Variants in LCLAT1 observed in about 807,000 individuals in gnomAD.
The protein encoded by LCLAT1 is 1-AGP acyltransferase 8.
A neutral mutation model predicts 30.7 loss-of-function variants in LCLAT1; 11 were observed. The observed-to-expected ratio is 0.36, with a 90% CI of 0.23 to 0.59. LCLAT1 has a LOEUF of 0.59. LCLAT1 is among the 20% of genes least tolerant of loss of function. The pLI, the probability that LCLAT1 is intolerant of heterozygous loss-of-function variation, is 0.77. For missense variants in LCLAT1, 402 were observed against 458.6 expected (o/e 0.88, Z 1.13); for synonymous variants, 155 against 151.3 (o/e 1.02, Z -0.18).
intron 3 of LCLAT1, 71 bp downstream of exon 3, chr2:30,533,385 T>G: frequency 7.6e-7 from 1 of 1,323,550 alleles, no homozygotes; most frequent in African/African-American, 1.4e-5. Context: ...TAAAACTGAC[T>G]TAAGCATTAA....
intron 5 of LCLAT1, among the ~76,000 whole-genome samples, chr2:30,625,330 C>T: frequency 6.6e-6 from 1 of 152,106 alleles, no homozygotes; most frequent in East Asian, 1.9e-4. Flanking sequence ...AATTGGTAGA[C>T]CATTAGTGAG....
intron 2 of LCLAT1, among the ~76,000 whole-genome samples, chr2:30,528,477 G>A (rs1371127220): frequency 6.6e-6 from 1 of 152,172 alleles, no homozygotes; most frequent in Non-Finnish European, 1.5e-5. Context: ...GATGAAATAG[G>A]AAATATGAGT....
At chr2:30,478,974 T>C (rs1683188907) in intron 1 of LCLAT1, among the ~76,000 whole-genome samples, 1 of 152,222 alleles carries the variant, frequency 6.6e-6, no homozygotes, top group Non-Finnish European at 1.5e-5. Context: ...TTTTCCCTTT[T>C]TAGGGCCTTT....
At chr2:30,464,024 G>T (rs1682300176) in intron 1 of LCLAT1, among the ~76,000 whole-genome samples, 2 of 152,250 alleles carry the variant, frequency 1.3e-5, no homozygotes, top group South Asian at 4.1e-4. Flanking sequence ...TTTATAATTT[G>T]CCAGCCATGC....
intron 5 of LCLAT1, among the ~76,000 whole-genome samples, chr2:30,579,265 A>G (rs1379808354): frequency 6.6e-6 from 1 of 152,172 alleles, no homozygotes; most frequent in Admixed American, 6.5e-5. Flanking sequence ...CAAAGGAGAA[A>G]CATGTTACGA....
intron 1 of LCLAT1, among the ~76,000 whole-genome samples, chr2:30,486,961 A>G (rs77802217): frequency 0.011 from 1,604 of 152,326 alleles, 28 homozygotes; most frequent in African/African-American, 0.036. Flanking sequence ...TCCACCTACT[A>G]TAATAACACT....
At chr2:30,591,312 G>T (rs1040997286) in intron 5 of LCLAT1, among the ~76,000 whole-genome samples, 5 of 152,078 alleles carry the variant, frequency 3.3e-5, no homozygotes, top group African/African-American at 1.2e-4. Context: ...AATGACTTCT[G>T]TGTAAAGAGC....
intron 5 of LCLAT1, among the ~76,000 whole-genome samples, chr2:30,615,057 A>G (rs1283746614): frequency 2.0e-5 from 3 of 152,168 alleles, no homozygotes; most frequent in Non-Finnish European, 2.9e-5. Flanking sequence ...GACAGTGAGT[A>G]TAGACAGCTC....
chr2:30,577,356 A>C (rs1479534280), intron 5 of LCLAT1, among the ~76,000 whole-genome samples: 1 of 152,130 alleles, frequency 6.6e-6, no homozygotes, highest in Non-Finnish European at 1.5e-5. Context: ...AAGTGTTCTC[A>C]GTGGCTTTCA....
intron 1 of LCLAT1, among the ~76,000 whole-genome samples, chr2:30,464,729 T>C (rs73922647): frequency 1.2e-4 from 18 of 152,176 alleles, no homozygotes; most frequent in African/African-American, 4.3e-4. Context: ...ATTCCCGAGT[T>C]AATTTCAGTG....
At chr2:30,489,945 C>T (rs1170904440) in intron 1 of LCLAT1, among the ~76,000 whole-genome samples, 1 of 152,220 alleles carries the variant, frequency 6.6e-6, no homozygotes, top group African/African-American at 2.4e-5. Context: ...ATATCAGCTT[C>T]CTTTTAATAA....
chr2:30,474,503 C>A (rs1156797443), intron 1 of LCLAT1, among the ~76,000 whole-genome samples: 1 of 152,170 alleles, frequency 6.6e-6, no homozygotes, highest in African/African-American at 2.4e-5. Context: ...TTGCCTTAGC[C>A]TTCTGAGTAG....
intron 5 of LCLAT1, among the ~76,000 whole-genome samples, chr2:30,585,564 A>G (rs1381121050): frequency 2.0e-5 from 3 of 152,138 alleles, no homozygotes; most frequent in African/African-American, 4.8e-5. Flanking sequence ...TCCACCTGTT[A>G]AACGTTAAAT....
chr2:30,502,220 CTTGTGTTTGTTCTTGT>C (rs1405453895), intron 1 of LCLAT1, among the ~76,000 whole-genome samples: 1 of 151,986 alleles, frequency 6.6e-6, no homozygotes, highest in African/African-American at 2.4e-5. Context: ...TCTTGCTTTG[CTTGTGTTTGTTCTTGT>C]TTCTAATTTG....
intron 5 of LCLAT1, among the ~76,000 whole-genome samples, chr2:30,614,793 A>C (rs1188769892): frequency 6.6e-6 from 1 of 152,100 alleles, no homozygotes; most frequent in Non-Finnish European, 1.5e-5. Flanking sequence ...GTGGATGGAG[A>C]AGAGTAAGAT....
chr2:30,615,655 G>C (rs1420794380), intron 5 of LCLAT1, among the ~76,000 whole-genome samples: 1 of 152,070 alleles, frequency 6.6e-6, no homozygotes, highest in Non-Finnish European at 1.5e-5. Flanking sequence ...TGGGAGAAAA[G>C]AGACACCACA....
At chr2:30,532,462 A>T (rs1686027196) in intron 2 of LCLAT1, among the ~76,000 whole-genome samples, 1 of 151,516 alleles carries the variant, frequency 6.6e-6, no homozygotes, top group Non-Finnish European at 1.5e-5. Context: ...TTTTACTTTC[A>T]AGAACTCATA....
intron 5 of LCLAT1, among the ~76,000 whole-genome samples, chr2:30,594,309 A>G (rs187903530): frequency 1.3e-5 from 2 of 151,956 alleles, no homozygotes; most frequent in Non-Finnish European, 2.9e-5. Context: ...TAATGGGAAA[A>G]TTTTCAAACG....
In LCLAT1 at chr2:30,568,113, T is replaced by C; in HGVS notation, c.565T>C (p.Tyr189His). ...AFAEKNGLQKYEYVLHPRTTG... is the reference protein window; with the variant it reads ...AFAEKNGLQKHEYVLHPRTTG... Reference sequence around the variant, plus strand: ...TGCTGAAAAAAATGGACTTCAGAAATATGAATATGTTTTACATCCAAGAAC... The same window carrying C: ...TGCTGAAAAAAATGGACTTCAGAAACATGAATATGTTTTACATCCAAGAAC... The change falls in exon 5 of 6, where the codon TAT (tyrosine) becomes CAT (histidine). Residue 189 changes from tyrosine (Y) to histidine (H), a missense_variant. Tyr to His is a moderately conservative substitution (Grantham distance 83, BLOSUM62 2). Transcript: ENST00000379509. The C allele has an allele frequency of 6.2e-7, 1 of 1,610,084 alleles. No individual in the cohort carries two copies. Among genetic ancestry groups the C allele is most frequent in the African/African-American group, 1.3e-5 (1 of 74,874 alleles).
Sources: allele counts gnomAD v4.1 joint callset (sites outside exome capture counted in the v4.1 genomes callset), GRCh38; gene constraint gnomAD v4.1.1; transcripts MANE v1.5; gene names NCBI Gene and HGNC (gene_info 2026-07-23, HGNC 2026-07-21).